METTL5: variants seen among roughly 807,000 people sequenced by gnomAD.
METTL5 encodes the protein rRNA N(6)-adenosine-methyltransferase METTL5.
METTL5 carries 28 observed loss-of-function variants against 26.5 expected under a neutral mutation model. The observed-to-expected ratio is 1.06, with a 90% CI of 0.78 to 1.45. The LOEUF is 1.45. Ranked by LOEUF, METTL5 falls within the 40% of genes most tolerant of loss-of-function variation. The pLI, the probability that METTL5 is intolerant of heterozygous loss-of-function variation, is 0.00. For missense variants in METTL5, 231 were observed against 249.9 expected (o/e 0.92, Z 0.51); for synonymous variants, 86 against 82.6 (o/e 1.04, Z -0.22).
At chr2:169,818,557 G>A (rs2081541158) in intron 4 of METTL5, among the ~76,000 whole-genome samples, 1 of 152,126 alleles carries the variant, frequency 6.6e-6, no homozygotes, top group Non-Finnish European at 1.5e-5. Context: ...CCTGTTGCTT[G>A]CCTACATGTA....
In METTL5 at chr2:169,824,548, T is replaced by A; in HGVS notation, c.50A>T (p.Asp17Val). ...KELESRLQQV[D>V]GFEKPKLLLE... ...AAGTAGCTTGGGCTTTTCAAATCCA[T>A]CCACTTGTTGCAGGCGACTCTCTAG... Residue 17 changes from aspartate to valine, a missense_variant, in exon 1 of 7, where the codon GAT (aspartate) becomes GTT (valine). Physicochemically the swap from Asp to Val is radical, Grantham distance 152. Transcript: ENST00000260953. 3 of 1,614,174 alleles carry A rather than the reference T, an allele frequency of 1.9e-6. No homozygotes were observed. Among genetic ancestry groups the A allele is most frequent in the African/African-American group, 2.7e-5 (2 of 75,058 alleles).
At chr2:169,812,232 A>C (rs1689987208) in intron 6 of METTL5, 1 of 674,962 alleles carries the variant, frequency 1.5e-6, no homozygotes. Context: ...TACTTGTCAC[A>C]AAGCTTTCCT....
intron 5 of METTL5, among the ~76,000 whole-genome samples, chr2:169,814,236 C>T (rs894034305): frequency 1.3e-5 from 2 of 151,632 alleles, no homozygotes; most frequent in African/African-American, 4.8e-5. Flanking sequence ...ACCTGTAATC[C>T]CAGCACTTTG....
chr2:169,822,936 C>G (rs747671462), intron 1 of METTL5, among the ~76,000 whole-genome samples: 1 of 152,192 alleles, frequency 6.6e-6, no homozygotes, highest in Non-Finnish European at 1.5e-5. Context: ...CTGAAGATAT[C>G]TGAACCCAGC....
Position 169,824,769 on chromosome 2 carries a change from G to A in METTL5, c.-172C>T. 1 of 562,912 alleles carries A rather than the reference G, an allele frequency of 1.8e-6. No homozygotes were observed. The highest frequency in any genetic ancestry group is 2.1e-5 in the South Asian group (1 of 47,862). The allele number at this position is 562,912 out of a possible 1,614,324, so 34.9% of individuals were successfully genotyped here. On this transcript the variant is annotated 5_prime_UTR_variant, in exon 1 of 7. Coordinates refer to ENST00000260953, the MANE Select transcript of METTL5 (RefSeq NM_014168.4). ...CGCCCGGACGCAGGGCACGGGGCGA[G>A]CCTCTGACCCACCTCCCGGCTAACC...
intron 4 of METTL5, among the ~76,000 whole-genome samples, chr2:169,816,763 G>C (rs2081512139): frequency 6.6e-6 from 1 of 152,102 alleles, no homozygotes; most frequent in African/African-American, 2.4e-5. Flanking sequence ...ACTGAAACTG[G>C]ATCCGTTCCT....
chr2:169,824,302 T>TA (rs2081623250), intron 1 of METTL5, 187 bp downstream of exon 1: 1 of 550,884 alleles, frequency 1.8e-6, no homozygotes, highest in Non-Finnish European at 3.3e-6. Context: ...AGTAAAATGA[T>TA]AGTGTGTATG....
At chr2:169,812,424 C>T (rs1243673826) in intron 6 of METTL5, 33 bp downstream of exon 6, 108 of 1,613,458 alleles carry the variant, frequency 6.7e-5, no homozygotes, top group Non-Finnish European at 8.8e-5. Flanking sequence ...TTTTCAATAC[C>T]GAATGTAGAC....
chr2:169,824,690 C>A lies in METTL5; in HGVS notation c.-93G>T, dbSNP rs538626514. 11 of 1,042,144 alleles carry A rather than the reference C, an allele frequency of 1.1e-5. No individual in the cohort carries two copies. In the African/African-American group the frequency reaches 1.3e-4, roughly 12 times the overall value. 64.6% of individuals were successfully genotyped at this position (1,042,144 alleles called of 1,614,324 possible). On this transcript the variant is annotated 5_prime_UTR_variant, in exon 1 of 7. Coordinates refer to ENST00000260953, the MANE Select transcript of METTL5 (RefSeq NM_014168.4). ...GATCTTGTTTCCTCCCTACCCCCAA[C>A]CTTCTCCCTTTTTCAGCACCGCTGG...
At chr2:169,817,911 T>A (rs1359139098) in intron 4 of METTL5, among the ~76,000 whole-genome samples, 1 of 150,410 alleles carries the variant, frequency 6.6e-6, no homozygotes, top group Non-Finnish European at 1.5e-5. Flanking sequence ...AAAGTATAAT[T>A]AAAAAAAAAA....
At position 169,821,939 on chromosome 2, in the gene METTL5, G is replaced by A. The variant is rs774878302; in HGVS notation, c.224+4C>T. On this transcript the variant is annotated splice_donor_region_variant and intron_variant, in intron 2 of 6. Coordinates refer to ENST00000260953, the MANE Select transcript of METTL5 (RefSeq NM_014168.4). ...ACCCAAATAGCATATATTGCATTAC[G>A]TACCCTGCTCCTAACATTGCAGTTC... 5.0e-6 allele frequency: 8 copies of A among 1,611,524 alleles called. No homozygotes were observed. The highest frequency in any genetic ancestry group is 6.8e-6 in the Non-Finnish European group (8 of 1,179,036).
At chr2:169,815,623 T>A in intron 4 of METTL5, 95 bp from the exon 5 acceptor site, 2 of 844,552 alleles carry the variant, frequency 2.4e-6, no homozygotes, top group Non-Finnish European at 3.6e-6. Context: ...TTTTTAAGCT[T>A]AAAATTTCAT....
intron 3 of METTL5, among the ~76,000 whole-genome samples, chr2:169,820,375 G>A (rs73016484): frequency 0.063 from 9,608 of 152,238 alleles, 436 homozygotes; most frequent in African/African-American, 0.14. Flanking sequence ...AAACCCTTGG[G>A]TCTGTTAAGA....
rs948922284 is a variant in METTL5 at position 169,824,467 on chromosome 2, C to A, written c.109+22G>T. 3 of 1,546,584 alleles carry A rather than the reference C, an allele frequency of 1.9e-6. No individual in the cohort carries two copies. The African/African-American group carries it at 4.1e-5, about 21-fold the overall frequency. ...ACTGGACTAACGCCGAAAGCCGGGG[C>A]GTGGTGAACCAGCCGCCCTACCTGC... On this transcript the variant is annotated intron_variant, in intron 1 of 6. Transcript: ENST00000260953.
At position 169,815,440 on chromosome 2, in the gene METTL5, T is replaced by G. The variant is rs781274095; in HGVS notation, c.541+37A>C. 4.7e-6 allele frequency: 7 copies of G among 1,495,008 alleles called. No individual in the cohort carries two copies. In the South Asian group the frequency reaches 8.4e-5, roughly 18 times the overall value. 92.6% of individuals were successfully genotyped at this position (1,495,008 alleles called of 1,614,324 possible). On this transcript the variant is annotated intron_variant, in intron 5 of 6. Transcript: ENST00000260953. ...AAATTTTGGTTGGGCGAATACATGT[T>G]GGCCCTTTTGGATATTAGGATTGAG...
rs1254367608 is a variant in METTL5, at chr2:169,824,643, G to A, written c.-46C>T. ...CGTAGGGTTTGAAGGCACAGGATCT[G>A]CGGAGAAATCTATTGAACTGGGATC... On this transcript the variant is annotated 5_prime_UTR_variant, in exon 1 of 7. Transcript: ENST00000260953. 1 of 1,416,118 alleles carries A rather than the reference G, an allele frequency of 7.1e-7. No homozygotes were observed. The highest frequency in any genetic ancestry group is 1.1e-5 in the South Asian group (1 of 87,190). 87.7% of individuals were successfully genotyped at this position (1,416,118 alleles called of 1,614,324 possible).
intron 4 of METTL5, among the ~76,000 whole-genome samples, chr2:169,817,388 C>T (rs949584358): frequency 4.6e-5 from 7 of 152,286 alleles, no homozygotes; most frequent in Admixed American, 3.9e-4. Flanking sequence ...CTTCAACGAT[C>T]TAGAACTAGA....
chr2:169,821,888 G>A lies in METTL5; in HGVS notation c.224+55C>T, dbSNP rs1476386314. ...TAAATATAATTCAGTTAATCCCATT[G>A]ATGCTCCTTATTAAAGCCACCCAAT... is the stretch of plus-strand genomic sequence containing the variant. On this transcript the variant is annotated intron_variant, in intron 2 of 6. Transcript: ENST00000260953. 5.4e-6 allele frequency: 8 copies of A among 1,484,536 alleles called. No homozygotes were observed. The East Asian group carries it at 1.6e-4, about 29-fold the overall frequency. The allele number at this position is 1,484,536 out of a possible 1,614,324, so 92.0% of individuals were successfully genotyped here.
chr2:169,814,234 TC>T (rs1164488419), intron 5 of METTL5, among the ~76,000 whole-genome samples: 1 of 151,914 alleles, frequency 6.6e-6, no homozygotes, highest in African/African-American at 2.4e-5. Flanking sequence ...ACACCTGTAA[TC>T]CCAGCACTTT....
Sources: gnomAD v4.1 joint callset for allele counts (sites outside exome capture counted in the v4.1 genomes callset) on GRCh38, gnomAD v4.1.1 for gene constraint, MANE v1.5 for transcripts, NCBI Gene and HGNC (gene_info 2026-07-23, HGNC 2026-07-21) for gene names.